Variants in SLC25A48 observed in about 807,000 individuals in gnomAD.
The protein encoded by SLC25A48 is CTC-321K16.1.
SLC25A48 carries 29 observed loss-of-function variants against 32.2 expected under a neutral mutation model. The ratio of observed to expected loss-of-function variants is 0.90; its 90% CI spans 0.67 to 1.23. The LOEUF is 1.23. Ranked by LOEUF, SLC25A48 falls within the 50% of genes most tolerant of loss-of-function variation. SLC25A48 has a pLI of 0.00. For synonymous variants in SLC25A48, 164 were observed against 172.3 expected, an observed-to-expected ratio of 0.95 and a Z score of 0.38; for missense variants, 399 against 422.7, an observed-to-expected ratio of 0.94 and a Z score of 0.49.
At chr5:135,812,359 T>C (rs1757610307) in intron 3 of SLC25A48, among the ~76,000 whole-genome samples, 1 of 152,206 alleles carries the variant, frequency 6.6e-6, no homozygotes, top group African/African-American at 2.4e-5. Context: ...GTGCAATGAA[T>C]TATTGTTGAC....
intron 3 of SLC25A48, among the ~76,000 whole-genome samples, chr5:135,683,213 G>A (rs1753940646): frequency 6.6e-6 from 1 of 152,170 alleles, no homozygotes; most frequent in Admixed American, 6.5e-5. Flanking sequence ...ATTGACCAAG[G>A]AATGGGGTGG....
intron 3 of SLC25A48, among the ~76,000 whole-genome samples, chr5:135,762,273 G>A (rs1756079237): frequency 6.6e-6 from 1 of 152,160 alleles, no homozygotes; most frequent in South Asian, 2.1e-4. Context: ...GGATGCATGA[G>A]GTGCAGGGAG....
chr5:135,883,251 G>C, intron 7 of SLC25A48: 1 of 985,454 alleles, frequency 1.0e-6, no homozygotes, highest in Non-Finnish European at 1.2e-6. Context: ...TTCTGCCTTG[G>C]AGGGATTCAA....
At chr5:135,641,821 C>T (rs181053521) in intron 3 of SLC25A48, among the ~76,000 whole-genome samples, 1 of 152,298 alleles carries the variant, frequency 6.6e-6, no homozygotes. Context: ...CAATACATCA[C>T]CATCATCCCC....
chr5:135,761,028 G>A (rs1387854962), intron 3 of SLC25A48, among the ~76,000 whole-genome samples: 1 of 152,098 alleles, frequency 6.6e-6, no homozygotes, highest in Non-Finnish European at 1.5e-5. Flanking sequence ...GACCAGGCAT[G>A]GTGGCTCATT....
chr5:135,842,574 C>T (rs1273531098), intron 2 of SLC25A48, 115 bp downstream of exon 2: 1 of 1,094,784 alleles, frequency 9.1e-7, no homozygotes. Flanking sequence ...AGGGCAGACT[C>T]TCTGTTGCCA....
At chr5:135,848,341 A>C (rs1032174998) in intron 2 of SLC25A48, among the ~76,000 whole-genome samples, 2 of 152,088 alleles carry the variant, frequency 1.3e-5, no homozygotes, top group Non-Finnish European at 2.9e-5. Context: ...ACCTCATGAC[A>C]GCCTTACATG....
At chr5:135,670,859 T>C (rs767092836) in intron 3 of SLC25A48, among the ~76,000 whole-genome samples, 1 of 152,212 alleles carries the variant, frequency 6.6e-6, no homozygotes, top group Non-Finnish European at 1.5e-5. Context: ...GGACATTGTC[T>C]CATACTAATG....
At chr5:135,770,806 A>G (rs1161174339) in intron 3 of SLC25A48, among the ~76,000 whole-genome samples, 1 of 149,024 alleles carries the variant, frequency 6.7e-6, no homozygotes. Context: ...AAGGGTGTAT[A>G]CCCTCCCTGT....
At chr5:135,771,688 A>G (rs900055502) in intron 3 of SLC25A48, among the ~76,000 whole-genome samples, 2 of 151,556 alleles carry the variant, frequency 1.3e-5, no homozygotes, top group South Asian at 4.2e-4. Context: ...ATTACTCCCA[A>G]TATTGCTGGG....
chr5:135,774,879 A>G (rs1359366511), intron 3 of SLC25A48, among the ~76,000 whole-genome samples: 2 of 151,776 alleles, frequency 1.3e-5, no homozygotes, highest in Non-Finnish European at 2.9e-5. Flanking sequence ...ATTACTCCCA[A>G]TATTGCAGAA....
intron 3 of SLC25A48, among the ~76,000 whole-genome samples, chr5:135,735,705 G>C (rs752662728): frequency 7.2e-4 from 109 of 152,074 alleles, no homozygotes; most frequent in Non-Finnish European, 1.3e-3. Flanking sequence ...TGTGAGATTG[G>C]GCCAGAGAAA....
upstream of SLC25A48, among the ~76,000 whole-genome samples, chr5:135,832,605 C>T (rs1215935984): frequency 6.6e-6 from 1 of 152,178 alleles, no homozygotes; most frequent in Non-Finnish European, 1.5e-5. Flanking sequence ...AGTGCTCTTA[C>T]AGCCACCTCT....
intron 4 of SLC25A48, among the ~76,000 whole-genome samples, chr5:135,816,216 C>T (rs1757714873): frequency 6.6e-6 from 1 of 152,216 alleles, no homozygotes; most frequent in Non-Finnish European, 1.5e-5. Context: ...CCTCCCTCAA[C>T]ATGTGGGGAT....
At chr5:135,723,743 G>A (rs1209898540) in intron 3 of SLC25A48, among the ~76,000 whole-genome samples, 2 of 151,984 alleles carry the variant, frequency 1.3e-5, no homozygotes, top group African/African-American at 4.8e-5. Context: ...CTTAACCCTT[G>A]CCCTGCAGTC....
At position 135,782,377 on chromosome 5, in the gene SLC25A48, A is replaced by G. The variant is rs542835746; in HGVS notation, c.-520-30146A>G. On this transcript the variant is annotated intron_variant, in intron 3 of 10. Transcript: ENST00000646290. The stretch of plus-strand genomic sequence containing the variant: ...CCCTTTCTCGTTCCTAATACCCAGG[A>G]TGTGAGAGGATGATATCACCCCCAA... 2.6e-5 allele frequency among the ~76,000 whole-genome samples: 3 copies of G among 116,320 alleles called. 1 individual carries two copies. The Admixed American group carries it at 2.7e-4, about 10-fold the overall frequency. The allele number at this position is 116,320 out of a possible 152,430, so 76.3% of individuals were successfully genotyped here.
intron 3 of SLC25A48, among the ~76,000 whole-genome samples, chr5:135,693,081 AC>A: frequency 6.6e-6 from 1 of 152,202 alleles, no homozygotes; most frequent in African/African-American, 2.4e-5. Context: ...CATTCAGTGT[AC>A]TTTTTCCTTG....
At chr5:135,598,958 T>G (rs1751722873) in intron 1 of SLC25A48, among the ~76,000 whole-genome samples, 1 of 152,056 alleles carries the variant, frequency 6.6e-6, no homozygotes, top group African/African-American at 2.4e-5. Flanking sequence ...TGGGCTGGAT[T>G]CTATTTAACT....
intron 3 of SLC25A48, among the ~76,000 whole-genome samples, chr5:135,802,408 A>T (rs1169029383): frequency 2.0e-5 from 3 of 151,434 alleles, no homozygotes; most frequent in Non-Finnish European, 4.4e-5. Context: ...CACCATGTGC[A>T]TATACCTTGT....
Sources: gnomAD v4.1 joint callset for allele counts (sites outside exome capture counted in the v4.1 genomes callset) on GRCh38, gnomAD v4.1.1 for gene constraint, MANE v1.5 for transcripts, NCBI Gene and HGNC (gene_info 2026-07-23, HGNC 2026-07-21) for gene names.